Variants in C12orf42 observed in about 807,000 individuals in gnomAD.
C12orf42 encodes uncharacterized protein C12orf42.
Under a neutral mutation model 21.6 loss-of-function variants are expected in C12orf42, and 25 were observed. The ratio of observed to expected loss-of-function variants is 1.16; its 90% CI spans 0.84 to 1.62. C12orf42 has a LOEUF of 1.62. Among genes scored for constraint, C12orf42 ranks in the 40% most tolerant of loss-of-function variants. The pLI is 0.00. For missense variants in C12orf42, 483 were observed against 459.3 expected (o/e 1.05, Z -0.47); for synonymous variants, 174 against 175.0 (o/e 0.99, Z 0.05).
intron 3 of C12orf42, among the ~76,000 whole-genome samples, chr12:103,371,000 A>C (rs1380586668): frequency 6.6e-6 from 1 of 152,174 alleles, no homozygotes; most frequent in Non-Finnish European, 1.5e-5. Context: ...AGATACTATC[A>C]ATTCAGATGA....
chr12:103,074,130 C>T, the C12orf42 span, among the ~76,000 whole-genome samples: 3 of 151,952 alleles, frequency 2.0e-5, no homozygotes, highest in Non-Finnish European at 2.9e-5. Context: ...GGGAGTTAAC[C>T]TAAGTAAAAC....
the C12orf42 span, chr12:103,159,658 A>G: frequency 9.2e-5 from 14 of 152,352 alleles, no homozygotes; most frequent in African/African-American, 3.1e-4. Context: ...TTTCTGCAGC[A>G]AACACCATTT....
chr12:103,493,972 T>C (rs1955348931), intron 1 of C12orf42, among the ~76,000 whole-genome samples: 1 of 152,216 alleles, frequency 6.6e-6, no homozygotes. Context: ...TATTCACTAG[T>C]GTAAGAATTT....
chr12:103,305,940 CA>C, intron 5 of C12orf42, 33 bp downstream of exon 5: 1 of 1,563,444 alleles, frequency 6.4e-7, no homozygotes, highest in South Asian at 1.2e-5. Flanking sequence ...CCAGTTGAAA[CA>C]AGAAGAGTCA....
At chr12:103,257,980 T>C (rs1199356725) in intron 10 of C12orf42, among the ~76,000 whole-genome samples, 1 of 152,018 alleles carries the variant, frequency 6.6e-6, no homozygotes, top group Non-Finnish European at 1.5e-5. Flanking sequence ...ACGTGACTTA[T>C]AAAGAAAATA....
chr12:103,103,907 T>C, the C12orf42 span, among the ~76,000 whole-genome samples: 1 of 152,080 alleles, frequency 6.6e-6, no homozygotes, highest in African/African-American at 2.4e-5. Flanking sequence ...TTCAAGCGAT[T>C]CTCCTGCCTC....
At chr12:103,444,329 A>AT (rs1306795568) in intron 2 of C12orf42, among the ~76,000 whole-genome samples, 1 of 152,016 alleles carries the variant, frequency 6.6e-6, no homozygotes, top group Non-Finnish European at 1.5e-5. Context: ...TTCTTCTGTT[A>AT]TTTTTTAGTT....
rs10552452 is a variant in C12orf42 at position 103,383,122 on chromosome 12, C to CT, written c.148-14125dup. Among the ~76,000 whole-genome samples the CT allele has an allele frequency of 1.1e-3, 164 of 148,338 alleles. 1 individual carries two copies. The highest frequency in any genetic ancestry group is 5.8e-3 in the East Asian group (29 of 5,014). On this transcript the variant is annotated intron_variant, in intron 3 of 5. Coordinates refer to ENST00000548883, the MANE Select transcript of C12orf42 (RefSeq NM_198521.5). Reference sequence around the variant, plus strand: ...TCAGGATATAGTGTTCTGACTCATTCTTTTTTTTTTTTTCTTTTTTTGAGA... The same window carrying CT: ...TCAGGATATAGTGTTCTGACTCATTCTTTTTTTTTTTTTTCTTTTTTTGAGA...
At chr12:103,268,771 A>G (rs2035296699) in exon 7 of C12orf42, 1 of 152,182 alleles carries the variant, frequency 6.6e-6, no homozygotes, top group Non-Finnish European at 1.5e-5. Flanking sequence ...TAACAATACT[A>G]ATAGTCATGG....
At chr12:103,474,169 C>G (rs1360746316) in intron 2 of C12orf42, among the ~76,000 whole-genome samples, 2 of 152,076 alleles carry the variant, frequency 1.3e-5, no homozygotes, top group Non-Finnish European at 2.9e-5. Flanking sequence ...ACCAATAACA[C>G]TTTCATGCCT....
At chr12:103,268,155 C>A (rs945841544), downstream of C12orf42, 1 of 149,774 alleles carries the variant, frequency 6.7e-6, no homozygotes, top group Non-Finnish European at 1.5e-5. Flanking sequence ...TTTTTCTTTT[C>A]TTATTTCTTT....
the C12orf42 span, among the ~76,000 whole-genome samples, chr12:103,169,190 A>G: frequency 7.2e-6 from 1 of 138,382 alleles, no homozygotes; most frequent in Non-Finnish European, 1.6e-5. Flanking sequence ...ATAAATAAAT[A>G]AATAAATAAA....
At chr12:103,459,016 C>G (rs1952504797) in intron 2 of C12orf42, among the ~76,000 whole-genome samples, 1 of 151,742 alleles carries the variant, frequency 6.6e-6, no homozygotes, top group South Asian at 2.1e-4. Flanking sequence ...AAATCTGACC[C>G]TGAGGGAAGG....
chr12:103,309,079 T>G (rs939717918), intron 4 of C12orf42, among the ~76,000 whole-genome samples: 2 of 152,190 alleles, frequency 1.3e-5, no homozygotes, highest in Non-Finnish European at 2.9e-5. Context: ...AAAAATAAAT[T>G]TATGTTGCTT....
intron 4 of C12orf42, among the ~76,000 whole-genome samples, chr12:103,287,494 G>A (rs1017997864): frequency 6.6e-6 from 1 of 151,894 alleles, no homozygotes; most frequent in African/African-American, 2.4e-5. Flanking sequence ...TCATAGGTGG[G>A]AATTGAACAA....
chr12:103,104,449 G>C, the C12orf42 span, among the ~76,000 whole-genome samples: 1 of 152,024 alleles, frequency 6.6e-6, no homozygotes, highest in South Asian at 2.1e-4. Context: ...TTGTTTATTT[G>C]TTTGTTTTTT....
intron 2 of C12orf42, among the ~76,000 whole-genome samples, chr12:103,411,284 A>G (rs2048825732): frequency 6.6e-6 from 1 of 152,206 alleles, no homozygotes; most frequent in African/African-American, 2.4e-5. Context: ...TAATATGCAA[A>G]AGTTTTAAAA....
intron 2 of C12orf42, among the ~76,000 whole-genome samples, chr12:103,435,060 A>G (rs377027078): frequency 6.0e-4 from 91 of 152,252 alleles, no homozygotes; most frequent in East Asian, 1.4e-3. Context: ...ATCTGAGAAC[A>G]GGCAGACTGC....
intron 3 of C12orf42, among the ~76,000 whole-genome samples, chr12:103,391,503 A>G (rs925925057): frequency 2.6e-5 from 4 of 152,102 alleles, no homozygotes; most frequent in African/African-American, 7.2e-5. Flanking sequence ...TTTGATTTAC[A>G]TTGCTCTAAT....
Sources: gnomAD v4.1 joint callset for allele counts (sites outside exome capture counted in the v4.1 genomes callset) on GRCh38, gnomAD v4.1.1 for gene constraint, MANE v1.5 for transcripts, NCBI Gene and HGNC (gene_info 2026-07-23, HGNC 2026-07-21) for gene names.